The following WIF1 variants were observed in gnomAD, a reference collection of about 807,000 sequenced individuals.
WIF1 encodes Wnt inhibitory factor 1.
A neutral mutation model predicts 53.5 loss-of-function variants in WIF1; 35 were observed. The ratio of observed to expected loss-of-function variants is 0.65; its 90% CI spans 0.50 to 0.87. The LOEUF is 0.87. Among genes scored for constraint, WIF1 ranks in the 40% least tolerant of loss-of-function variants. The pLI is 0.00. For synonymous variants in WIF1, 171 were observed against 170.4 expected (o/e 1.00, Z -0.03); for missense variants, 467 against 476.8 (o/e 0.98, Z 0.19).
chr12:65,051,782 T>C (rs961434540), intron 9 of WIF1, among the ~76,000 whole-genome samples: 1 of 152,190 alleles, frequency 6.6e-6, no homozygotes, highest in Non-Finnish European at 1.5e-5. Flanking sequence ...GGTAAGGATC[T>C]AGCATTGAAA....
intron 2 of WIF1, among the ~76,000 whole-genome samples, chr12:65,112,462 C>A (rs1883447974): frequency 8.0e-6 from 1 of 125,648 alleles, no homozygotes; most frequent in Non-Finnish European, 1.8e-5. Flanking sequence ...CATCCTGGAG[C>A]TGAGACTAAT....
At chr12:65,076,964 A>G (rs978223241) in intron 3 of WIF1, among the ~76,000 whole-genome samples, 5 of 152,138 alleles carry the variant, frequency 3.3e-5, no homozygotes, top group Admixed American at 6.6e-5. Flanking sequence ...TCAGAGAAAA[A>G]AGATGAGAAG....
intron 2 of WIF1, among the ~76,000 whole-genome samples, chr12:65,103,733 A>C (rs1284179687): frequency 6.6e-6 from 1 of 152,194 alleles, no homozygotes; most frequent in East Asian, 1.9e-4. Context: ...ATATATGTAC[A>C]TGTACCTTGG....
At chr12:65,077,984 A>G (rs774621891) in intron 2 of WIF1, 130 bp from the exon 3 acceptor site, 9 of 687,944 alleles carry the variant, frequency 1.3e-5, no homozygotes, top group Non-Finnish European at 1.8e-5. Flanking sequence ...ACAGCATCCA[A>G]GATACTGGGT....
In WIF1 at chr12:65,077,739, C is replaced by G. The variant is rs1162361286; in HGVS notation, c.397+7G>C. ...TGTAAACCTTTCTTCAGGCAAAGAC[C>G]ACCCACCTGATGCCTTGTGAGGCAC... On this transcript the variant is annotated splice_region_variant and intron_variant, in intron 3 of 9. Transcript: ENST00000286574. The G allele has an allele frequency of 6.2e-7, 1 of 1,603,420 alleles. No individual in the cohort carries two copies. Among genetic ancestry groups the G allele is most frequent in the Non-Finnish European group, 8.5e-7 (1 of 1,171,050 alleles).
At chr12:65,070,050 T>C (rs542079824) in intron 3 of WIF1, among the ~76,000 whole-genome samples, 22 of 152,290 alleles carry the variant, frequency 1.4e-4, no homozygotes, top group African/African-American at 5.3e-4. Flanking sequence ...CTTTTCCTTT[T>C]AGAGTGTCGA....
At chr12:65,095,443 T>C (rs1023268944) in intron 2 of WIF1, among the ~76,000 whole-genome samples, 6 of 152,146 alleles carry the variant, frequency 3.9e-5, no homozygotes, top group African/African-American at 1.2e-4. Flanking sequence ...ATTGTACTCA[T>C]TGCATTAAAA....
At chr12:65,078,080 T>C (rs991956647) in intron 2 of WIF1, among the ~76,000 whole-genome samples, 3 of 152,078 alleles carry the variant, frequency 2.0e-5, no homozygotes, top group Non-Finnish European at 4.4e-5. Flanking sequence ...TAATCTGTTT[T>C]TGTTTGTTTG....
intron 5 of WIF1, 52 bp downstream of exon 5, chr12:65,067,643 G>T: frequency 1.3e-6 from 2 of 1,541,888 alleles, no homozygotes; most frequent in Non-Finnish European, 1.8e-6. Flanking sequence ...GCTCCTGCAC[G>T]ACATCCATGT....
At position 65,120,491 on chromosome 12, in the gene WIF1, T is replaced by G; in HGVS notation, c.214A>C (p.Lys72Gln). ...KMAPFTHDFR[K>Q]AQQRMPAIPV... Reference sequence around the variant, plus strand: ...ATAGCTGGCATTCTCTGTTGTGCTTTTCTGAAATCATGTGTAAAAGGTGCC... The same window carrying G: ...ATAGCTGGCATTCTCTGTTGTGCTTGTCTGAAATCATGTGTAAAAGGTGCC... Residue 72 changes from lysine to glutamine, a missense_variant, in exon 2 of 10, where the codon AAA becomes CAA. Lys to Gln is a moderately conservative substitution (Grantham distance 53). Transcript: ENST00000286574. 2 of 1,614,164 alleles carry G rather than the reference T, an allele frequency of 1.2e-6. No homozygotes were observed. The highest frequency in any genetic ancestry group is 1.1e-5 in the South Asian group (1 of 91,060).
Position 65,062,471 on chromosome 12 carries a change from C to T in WIF1, c.826+10G>A. The T allele has an allele frequency of 6.3e-7, 1 of 1,599,958 alleles. No individual in the cohort carries two copies. The highest frequency in any genetic ancestry group is 8.5e-7 in the Non-Finnish European group (1 of 1,171,198). Reference sequence around the variant, plus strand: ...CCCAAGTCAAAAGAACGCAGAAAGTCAATACTCACTGATTTCACACTGCTC... The same window carrying T: ...CCCAAGTCAAAAGAACGCAGAAAGTTAATACTCACTGATTTCACACTGCTC... On this transcript the variant is annotated intron_variant, in intron 7 of 9. Coordinates refer to ENST00000286574, the MANE Select transcript of WIF1 (RefSeq NM_007191.5).
At chr12:65,114,697 C>A (rs1465569654) in intron 2 of WIF1, among the ~76,000 whole-genome samples, 1 of 152,064 alleles carries the variant, frequency 6.6e-6, no homozygotes, top group Admixed American at 6.5e-5. Flanking sequence ...CTAATATTTT[C>A]TATTTTCAGT....
chr12:65,057,597 TGGA>T (rs3042123), intron 7 of WIF1, among the ~76,000 whole-genome samples: 82,952 of 151,628 alleles, frequency 0.55, 24,584 homozygotes, highest in East Asian at 0.73. Context: ...ATTTTGGTAG[TGGA>T]GGAGTTTGGA....
intron 2 of WIF1, among the ~76,000 whole-genome samples, chr12:65,101,147 T>C (rs1883276482): frequency 6.6e-6 from 1 of 152,312 alleles, no homozygotes; most frequent in Admixed American, 6.5e-5. Context: ...CATGGTTATA[T>C]CCGGGAAATT....
intron 2 of WIF1, among the ~76,000 whole-genome samples, chr12:65,111,309 C>T (rs1565761194): frequency 1.3e-5 from 2 of 152,134 alleles, no homozygotes; most frequent in Admixed American, 6.6e-5. Context: ...TATCTCCAAC[C>T]CCATTTTCCG....
In WIF1 at chr12:65,093,371, G is replaced by GT. The variant is rs199898594; in HGVS notation, c.289-15518dup. ...GTAACGTTAGCCAAACTCATAGTCT[G>GT]TTTTTTTTGTTTGTTTTTTGCCTGC... On this transcript the variant is annotated intron_variant, in intron 2 of 9. Coordinates refer to ENST00000286574, the MANE Select transcript of WIF1 (RefSeq NM_007191.5). Among the ~76,000 whole-genome samples the GT allele has an allele frequency of 9.3e-3, 1,419 of 151,964 alleles. 29 individuals carry two copies. Among genetic ancestry groups the GT allele is most frequent in the African/African-American group, 0.031 (1,296 of 41,450 alleles).
At chr12:65,120,342 T>C (rs1363911415) in intron 2 of WIF1, 75 bp downstream of exon 2, 2 of 1,451,884 alleles carry the variant, frequency 1.4e-6, no homozygotes, top group African/African-American at 2.8e-5. Context: ...TGTACCAGGC[T>C]ACACACTATA....
chr12:65,076,764 T>A (rs1882867216), intron 3 of WIF1, among the ~76,000 whole-genome samples: 1 of 151,912 alleles, frequency 6.6e-6, no homozygotes, highest in Non-Finnish European at 1.5e-5. Context: ...AAAAACAACA[T>A]AATTAACAAA....
chr12:65,103,982 T>C (rs1201448617), intron 2 of WIF1, among the ~76,000 whole-genome samples: 1 of 152,150 alleles, frequency 6.6e-6, no homozygotes, highest in East Asian at 1.9e-4. Flanking sequence ...GGAGGATTGC[T>C]TGAGCTCAGG....
Sources: gnomAD v4.1 joint callset for allele counts (sites outside exome capture counted in the v4.1 genomes callset) on GRCh38, gnomAD v4.1.1 for gene constraint, MANE v1.5 for transcripts, NCBI Gene and HGNC (gene_info 2026-07-23, HGNC 2026-07-21) for gene names.